RANBP2: variants seen among roughly 807,000 people sequenced by gnomAD.
RANBP2 encodes the protein RAN binding protein 2, also known as E3 SUMO-protein ligase RanBP2.
Under a neutral mutation model 303.6 loss-of-function variants are expected in RANBP2, and 57 were observed. The observed-to-expected ratio is 0.19, with a 90% CI of 0.15 to 0.23. The LOEUF (loss-of-function observed/expected upper bound fraction) is 0.23. Among genes scored for constraint, RANBP2 ranks in the 10% least tolerant of loss-of-function variants. The probability of loss-of-function intolerance (pLI) is 1.00; values close to 1 mark genes in which losing one functional copy is unlikely to be tolerated. For synonymous variants in RANBP2, 1,167 were observed against 1,301.5 expected (o/e 0.90, Z 2.23); for missense variants, 3,138 against 3,780.8 (o/e 0.83, Z 4.46).
chr2:108,956,332 A>C, the RANBP2 span, among the ~76,000 whole-genome samples: 3 of 152,200 alleles, frequency 2.0e-5, no homozygotes, highest in Non-Finnish European at 4.4e-5. Context: ...GAGTGTTATG[A>C]TGCCTGTAGA....
chr2:109,086,357 T>A, the RANBP2 span, among the ~76,000 whole-genome samples: 1 of 152,208 alleles, frequency 6.6e-6, no homozygotes, highest in East Asian at 1.9e-4. Context: ...GGCCCTAATA[T>A]TTCTCGATTG....
At chr2:108,756,300 A>G in intron 17 of RANBP2, among the ~76,000 whole-genome samples, 1 of 152,202 alleles carries the variant, frequency 6.6e-6, no homozygotes, top group Non-Finnish European at 1.5e-5. Flanking sequence ...ATACTTCCAT[A>G]TGAATTTGAC....
the RANBP2 span, among the ~76,000 whole-genome samples, chr2:109,080,843 G>A: frequency 4.6e-5 from 7 of 152,320 alleles, no homozygotes; most frequent in Admixed American, 3.3e-4. Flanking sequence ...AGAACTCTCT[G>A]TTGCAAACAA....
the RANBP2 span, among the ~76,000 whole-genome samples, chr2:109,326,070 G>A: frequency 3.3e-5 from 5 of 152,334 alleles, no homozygotes; most frequent in East Asian, 1.9e-4. Context: ...TATCCTGGGC[G>A]TATGCCACAT....
the RANBP2 span, among the ~76,000 whole-genome samples, chr2:109,255,149 T>C: frequency 2.0e-5 from 3 of 152,194 alleles, no homozygotes; most frequent in African/African-American, 7.2e-5. Context: ...TGTGTGTACA[T>C]GTGCACGTGT....
chr2:109,373,135 C>G, the RANBP2 span, among the ~76,000 whole-genome samples: 1 of 152,236 alleles, frequency 6.6e-6, no homozygotes, highest in Admixed American at 6.5e-5. Flanking sequence ...CACACACACT[C>G]TCCTGTAAGA....
At chr2:108,911,220 A>G in the RANBP2 span, 1 of 997,720 alleles carries the variant, frequency 1.0e-6, no homozygotes, top group African/African-American at 1.6e-5. Flanking sequence ...TAGACTGAGA[A>G]CCAAATCCTC....
At chr2:109,377,584 T>A in the RANBP2 span, among the ~76,000 whole-genome samples, 9 of 152,228 alleles carry the variant, frequency 5.9e-5, no homozygotes, top group Admixed American at 5.2e-4. Flanking sequence ...GATGGAATGC[T>A]GTTTATAGAT....
At chr2:109,034,270 CAAAAAAAAAAAAAA>C in the RANBP2 span, among the ~76,000 whole-genome samples, 3 of 38,094 alleles carry the variant, frequency 7.9e-5, no homozygotes, top group East Asian at 8.8e-4. Flanking sequence ...GACTCCATCT[CAAAAAAAAAAAAAA>C]AAAAAAAAAA....
At chr2:108,851,048 T>C in the RANBP2 span, among the ~76,000 whole-genome samples, 1 of 152,162 alleles carries the variant, frequency 6.6e-6, no homozygotes, top group Non-Finnish European at 1.5e-5. Flanking sequence ...TGGCTTCAAA[T>C]TGGGGTTCCT....
the RANBP2 span, chr2:109,593,074 G>A: frequency 1.2e-6 from 2 of 1,601,050 alleles, no homozygotes; most frequent in South Asian, 1.1e-5. Flanking sequence ...TCTGATCCTT[G>A]TGAAGACATA....
the RANBP2 span, among the ~76,000 whole-genome samples, chr2:109,277,504 C>G: frequency 6.6e-6 from 1 of 152,198 alleles, no homozygotes. Context: ...GCTGCATCTC[C>G]GAGCAGTCCG....
chr2:108,940,757 G>A, the RANBP2 span, among the ~76,000 whole-genome samples: 1 of 152,228 alleles, frequency 6.6e-6, no homozygotes, highest in Non-Finnish European at 1.5e-5. Flanking sequence ...AGTGCAAAAT[G>A]ATGAGAGTGG....
Position 108,771,687 on chromosome 2 carries a change from G to C in RANBP2, c.7850-14G>C. 1.2e-6 allele frequency: 2 copies of C among 1,609,994 alleles called. No homozygotes were observed. The highest frequency in any genetic ancestry group is 1.7e-6 in the Non-Finnish European group (2 of 1,179,598). ...ATACCTTATCTTTGTCAATTTTTTT[G>C]ACTGGTGTTACAGCAAAAGAGAAGA... is the stretch of plus-strand genomic sequence containing the variant. On this transcript the variant is annotated splice_polypyrimidine_tract_variant and intron_variant, in intron 20 of 28. Coordinates refer to ENST00000283195, the MANE Select transcript of RANBP2 (RefSeq NM_006267.5).
At chr2:109,719,055 T>G in the RANBP2 span, among the ~76,000 whole-genome samples, 1 of 148,266 alleles carries the variant, frequency 6.7e-6, no homozygotes, top group African/African-American at 2.4e-5. Flanking sequence ...GCAATTTAAT[T>G]ACATGCCTGA....
the RANBP2 span, among the ~76,000 whole-genome samples, chr2:108,794,106 A>C: frequency 6.6e-6 from 1 of 152,224 alleles, no homozygotes; most frequent in Non-Finnish European, 1.5e-5. Context: ...TAAAATATAA[A>C]AGGCAAAACA....
chr2:109,197,233 G>A, the RANBP2 span, among the ~76,000 whole-genome samples: 1 of 152,192 alleles, frequency 6.6e-6, no homozygotes, highest in Admixed American at 6.5e-5. Context: ...TCAGGGACCA[G>A]GTCAGGGGGC....
At chr2:109,460,577 C>T in the RANBP2 span, among the ~76,000 whole-genome samples, 1 of 152,222 alleles carries the variant, frequency 6.6e-6, no homozygotes, top group Admixed American at 6.5e-5. Context: ...CTGTGCTCCA[C>T]AGAATCCCAT....
At chr2:109,635,603 C>T in the RANBP2 span, among the ~76,000 whole-genome samples, 1 of 152,190 alleles carries the variant, frequency 6.6e-6, no homozygotes, top group South Asian at 2.1e-4. Context: ...CCAGATGCTA[C>T]ATCCAAAAAG....
Sources: allele counts gnomAD v4.1 joint callset (sites outside exome capture counted in the v4.1 genomes callset), GRCh38; gene constraint gnomAD v4.1.1; transcripts MANE v1.5; gene names NCBI Gene and HGNC (gene_info 2026-07-23, HGNC 2026-07-21).